The following FAM227B variants were observed in gnomAD, a reference collection of about 807,000 sequenced individuals.
The protein encoded by FAM227B is family with sequence similarity 227 member B.
FAM227B carries 88 observed loss-of-function variants against 73.8 expected under a neutral mutation model. The ratio of observed to expected loss-of-function variants is 1.19; its 90% CI spans 1.00 to 1.42. FAM227B has a LOEUF of 1.42. FAM227B is among the 40% of genes most tolerant of loss of function. The pLI, the probability that FAM227B is intolerant of heterozygous loss-of-function variation, is 0.00. For synonymous variants in FAM227B, 210 were observed against 190.5 expected (o/e 1.10, Z -0.84); for missense variants, 632 against 590.9 (o/e 1.07, Z -0.72).
At chr15:49,402,773 C>T (rs1010818564) in intron 11 of FAM227B, among the ~76,000 whole-genome samples, 1 of 151,732 alleles carries the variant, frequency 6.6e-6, no homozygotes, top group Non-Finnish European at 1.5e-5. Context: ...AATACTCTTT[C>T]TTTCTCTTGC....
chr15:49,446,600 T>C (rs1462282267), intron 11 of FAM227B, among the ~76,000 whole-genome samples: 2 of 151,368 alleles, frequency 1.3e-5, no homozygotes, highest in African/African-American at 4.8e-5. Flanking sequence ...AAAGAGCTTT[T>C]TTAAAGAAGA....
At position 49,576,764 on chromosome 15, in the gene FAM227B, T is replaced by C. The variant is rs571765710; in HGVS notation, c.523A>G (p.Ile175Val). Residue 175 changes from isoleucine to valine, a missense_variant, in exon 7 of 16, where the codon ATT (isoleucine) becomes GTT (valine). Physicochemically the swap from Ile to Val is conservative, Grantham distance 29. Transcript: ENST00000299338. Reference sequence around the variant, plus strand: ...ACATCAAAATTATGGGCTTTTAAAATAAAAAGATAAATTTGTTCAGCATCC... The same window carrying C: ...ACATCAAAATTATGGGCTTTTAAAACAAAAAGATAAATTTGTTCAGCATCC... ...HLDAEQIYLF[I>V]LKAHNFDERV... is the part of the protein sequence containing the mutation. The C allele has an allele frequency of 2.5e-6, 4 of 1,601,236 alleles. No homozygotes were observed. Among genetic ancestry groups the C allele is most frequent in the Non-Finnish European group, 3.4e-6 (4 of 1,169,034 alleles).
chr15:49,432,419 T>C (rs1041504949), intron 11 of FAM227B, among the ~76,000 whole-genome samples: 3 of 151,706 alleles, frequency 2.0e-5, no homozygotes, highest in Non-Finnish European at 4.4e-5. Flanking sequence ...GAGTCTATAC[T>C]ATACTAATGA....
chr15:49,521,165 T>C (rs2059757145), intron 10 of FAM227B, among the ~76,000 whole-genome samples: 1 of 152,176 alleles, frequency 6.6e-6, no homozygotes. Context: ...CAGGGAATCT[T>C]AGCCCTGTGT....
chr15:49,470,234 T>C (rs2054616425), intron 11 of FAM227B, among the ~76,000 whole-genome samples: 1 of 109,266 alleles, frequency 9.2e-6, no homozygotes, highest in African/African-American at 3.0e-5. Flanking sequence ...AAGTGGCACC[T>C]TATAATTCTT....
intron 13 of FAM227B, among the ~76,000 whole-genome samples, chr15:49,363,742 C>T (rs570057685): frequency 6.6e-6 from 1 of 151,554 alleles, no homozygotes. Flanking sequence ...ATGATGTTTG[C>T]TGTGGGTTTG....
At chr15:49,607,988 A>G (rs1463261890) in intron 3 of FAM227B, among the ~76,000 whole-genome samples, 1 of 152,170 alleles carries the variant, frequency 6.6e-6, no homozygotes, top group African/African-American at 2.4e-5. Flanking sequence ...AGACCTAAAA[A>G]GGCAAATCGA....
chr15:49,435,735 A>G (rs1011066131), intron 11 of FAM227B, among the ~76,000 whole-genome samples: 9 of 151,530 alleles, frequency 5.9e-5, no homozygotes, highest in African/African-American at 2.2e-4. Context: ...CTATGTTGTA[A>G]TTTAAAATTT....
chr15:49,603,870 T>G (rs149143452), intron 3 of FAM227B, among the ~76,000 whole-genome samples: 14 of 152,310 alleles, frequency 9.2e-5, no homozygotes, highest in Non-Finnish European at 2.1e-4. Flanking sequence ...TGAAGGAATG[T>G]TGGATTTTAT....
intron 11 of FAM227B, among the ~76,000 whole-genome samples, chr15:49,396,901 A>G (rs1336300848): frequency 6.6e-6 from 1 of 152,174 alleles, no homozygotes; most frequent in Non-Finnish European, 1.5e-5. Flanking sequence ...TGGGGAAAAA[A>G]CAGAACAGAA....
intron 11 of FAM227B, among the ~76,000 whole-genome samples, chr15:49,449,313 TG>T: frequency 6.6e-6 from 1 of 152,040 alleles, no homozygotes; most frequent in Non-Finnish European, 1.5e-5. Flanking sequence ...AATCAGTAAA[TG>T]TTTTTTACTT....
At chr15:49,450,381 G>T (rs1567299067) in intron 11 of FAM227B, among the ~76,000 whole-genome samples, 1 of 151,944 alleles carries the variant, frequency 6.6e-6, no homozygotes, top group South Asian at 2.1e-4. Flanking sequence ...CACTGATTAT[G>T]TTGCTAAAGA....
At chr15:49,614,388 A>C (rs2153339573) in intron 2 of FAM227B, among the ~76,000 whole-genome samples, 1 of 152,360 alleles carries the variant, frequency 6.6e-6, no homozygotes, top group East Asian at 1.9e-4. Flanking sequence ...GGACCAGTTA[A>C]ATAACTTGTA....
At chr15:49,423,419 C>A (rs894195630) in intron 11 of FAM227B, 3 of 152,136 alleles carry the variant, frequency 2.0e-5, no homozygotes, top group African/African-American at 7.2e-5. Flanking sequence ...TCTTATATAT[C>A]CAGCTGTTAG....
intron 10 of FAM227B, among the ~76,000 whole-genome samples, chr15:49,540,195 GA>G (rs1245640564): frequency 2.6e-5 from 4 of 152,196 alleles, no homozygotes; most frequent in African/African-American, 9.7e-5. Flanking sequence ...CATCTGATGT[GA>G]AAGCTGCAGG....
At chr15:49,596,500 A>G (rs1160325211) in intron 3 of FAM227B, among the ~76,000 whole-genome samples, 4 of 151,828 alleles carry the variant, frequency 2.6e-5, no homozygotes, top group Non-Finnish European at 4.4e-5. Context: ...ACAAAACAAA[A>G]CAAAACAAAA....
At chr15:49,571,769 G>A (rs1490357314) in intron 8 of FAM227B, among the ~76,000 whole-genome samples, 1 of 151,946 alleles carries the variant, frequency 6.6e-6, no homozygotes, top group Non-Finnish European at 1.5e-5. Context: ...ATATTTTGAA[G>A]TTAGGTAGGG....
chr15:49,474,211 C>T (rs1036876413), intron 11 of FAM227B, among the ~76,000 whole-genome samples: 3 of 152,098 alleles, frequency 2.0e-5, no homozygotes, highest in Admixed American at 1.3e-4. Flanking sequence ...CAGCCCAGTT[C>T]TTGCTGAGAT....
intron 2 of FAM227B, among the ~76,000 whole-genome samples, chr15:49,612,641 A>T (rs2078018930): frequency 6.6e-6 from 1 of 152,178 alleles, no homozygotes; most frequent in African/African-American, 2.4e-5. Flanking sequence ...GAGAAGGCAA[A>T]AATAAGAGGA....
Sources: gnomAD v4.1 joint callset for allele counts (sites outside exome capture counted in the v4.1 genomes callset) on GRCh38, gnomAD v4.1.1 for gene constraint, MANE v1.5 for transcripts, NCBI Gene and HGNC (gene_info 2026-07-23, HGNC 2026-07-21) for gene names.